The following R3HDM2 variants were observed in gnomAD, a reference collection of about 807,000 sequenced individuals.
R3HDM2 encodes the protein R3H domain containing 2.
R3HDM2 carries 38 observed loss-of-function variants against 124.5 expected under a neutral mutation model. The observed-to-expected ratio is 0.31, with a 90% CI of 0.24 to 0.40. R3HDM2 has a LOEUF of 0.40. R3HDM2 is among the 10% of genes least tolerant of loss of function. The pLI is 1.00. For missense variants in R3HDM2, 869 were observed against 1,236.9 expected, an observed-to-expected ratio of 0.70 and a Z score of 4.46; for synonymous variants, 391 against 448.0, an observed-to-expected ratio of 0.87 and a Z score of 1.61.
At position 57,346,157 on chromosome 12, in the gene R3HDM2, CA is replaced by C. The variant is rs1210805432; in HGVS notation, c.-35-35695del. 9.9e-3 allele frequency among the ~76,000 whole-genome samples: 533 copies of C among 53,898 alleles called. 2 individuals carry two copies. Among genetic ancestry groups the C allele is most frequent in the African/African-American group, 0.021 (370 of 17,636 alleles). The allele number at this position is 53,898 out of a possible 152,430, so 35.4% of individuals were successfully genotyped here. ...GGGCAACAAGAGCAAAACTCCGTCT[CA>C]AAAAAAAAAAAAAAAAGGCCTGGAG... is the stretch of plus-strand genomic sequence containing the variant. On this transcript the variant is annotated intron_variant, in intron 2 of 23. Coordinates refer to ENST00000402412, the MANE Select transcript of R3HDM2 (RefSeq NM_001394031.1).
At chr12:57,292,068 T>C (rs940225721) in intron 11 of R3HDM2, among the ~76,000 whole-genome samples, 3 of 152,228 alleles carry the variant, frequency 2.0e-5, no homozygotes, top group Non-Finnish European at 2.9e-5. Flanking sequence ...TCTGTGCATG[T>C]AGAATGTGGA....
chr12:57,301,138 A>C (rs1157935500), intron 4 of R3HDM2, among the ~76,000 whole-genome samples: 2 of 152,072 alleles, frequency 1.3e-5, no homozygotes, highest in East Asian at 3.9e-4. Context: ...AAAAAAATAA[A>C]AAAAAGAGAG....
chr12:57,312,138 A>G (rs2054044880), intron 2 of R3HDM2, among the ~76,000 whole-genome samples: 1 of 152,198 alleles, frequency 6.6e-6, no homozygotes, highest in African/African-American at 2.4e-5. Flanking sequence ...AATTAAATAA[A>G]CAGACAAATG....
chr12:57,349,252 T>C (rs1593702558), intron 2 of R3HDM2, among the ~76,000 whole-genome samples: 1 of 150,020 alleles, frequency 6.7e-6, no homozygotes, highest in Non-Finnish European at 1.5e-5. Flanking sequence ...TGGTGGCAGG[T>C]GCCTGTAGTC....
intron 1 of R3HDM2, among the ~76,000 whole-genome samples, chr12:57,397,393 G>T (rs491750): frequency 0.43 from 66,001 of 151,948 alleles, 15,083 homozygotes; most frequent in South Asian, 0.52. Flanking sequence ...TGTGTTCTAT[G>T]CTAAAGTGAG....
chr12:57,350,096 G>A (rs2060521816), intron 2 of R3HDM2, among the ~76,000 whole-genome samples: 1 of 152,070 alleles, frequency 6.6e-6, no homozygotes, highest in Admixed American at 6.5e-5. Context: ...TACAGTCTCA[G>A]CTACTTGGGA....
intron 2 of R3HDM2, among the ~76,000 whole-genome samples, chr12:57,330,128 G>A (rs1181474567): frequency 1.3e-5 from 2 of 151,746 alleles, no homozygotes; most frequent in African/African-American, 4.8e-5. Flanking sequence ...TGACATGCCT[G>A]GCTAGTTTTG....
intron 13 of R3HDM2, among the ~76,000 whole-genome samples, chr12:57,280,842 T>C (rs1592679730): frequency 6.6e-6 from 1 of 152,178 alleles, no homozygotes; most frequent in South Asian, 2.1e-4. Context: ...CTGGAATCTG[T>C]CCATCAAACT....
chr12:57,400,293 T>C (rs1204418676), intron 1 of R3HDM2, among the ~76,000 whole-genome samples: 3 of 152,170 alleles, frequency 2.0e-5, no homozygotes, highest in African/African-American at 7.2e-5. Flanking sequence ...AGGACATCGA[T>C]GAAGCTGGAA....
At chr12:57,337,636 G>A (rs1425486442) in intron 2 of R3HDM2, among the ~76,000 whole-genome samples, 3 of 152,058 alleles carry the variant, frequency 2.0e-5, no homozygotes, top group Non-Finnish European at 2.9e-5. Flanking sequence ...AAAAAAACCC[G>A]AAACATTGCA....
In R3HDM2 at chr12:57,339,696, T is replaced by TG. The variant is rs1555271537; in HGVS notation, c.-35-29234_-35-29233insC. On this transcript the variant is annotated intron_variant, in intron 2 of 23. Coordinates refer to ENST00000402412, the MANE Select transcript of R3HDM2 (RefSeq NM_001394031.1). ...CTGGGTGACAGAGAAAGACTCCATC[T>TG]AAAAAAAAAAAAAAGAGAGAGAGAG... is the stretch of plus-strand genomic sequence containing the variant. 3.1e-5 allele frequency among the ~76,000 whole-genome samples: 4 copies of TG among 131,086 alleles called. No individual in the cohort carries two copies. The East Asian group carries it at 8.6e-4, about 28-fold the overall frequency. The allele number at this position is 131,086 out of a possible 152,430, so 86.0% of individuals were successfully genotyped here.
intron 2 of R3HDM2, among the ~76,000 whole-genome samples, chr12:57,359,412 G>A (rs1441230041): frequency 1.3e-5 from 2 of 152,080 alleles, no homozygotes; most frequent in Non-Finnish European, 2.9e-5. Context: ...AAGTCCTCTT[G>A]AAGAACTAAC....
At chr12:57,259,277 C>T (rs2040036326) in intron 19 of R3HDM2, among the ~76,000 whole-genome samples, 1 of 152,200 alleles carries the variant, frequency 6.6e-6, no homozygotes, top group South Asian at 2.1e-4. Context: ...GCCCCAGATG[C>T]CAGTGCTCCC....
Position 57,389,353 on chromosome 12 carries a change from C to G in R3HDM2, c.-36+6396G>C, listed in dbSNP as rs80350599. On this transcript the variant is annotated intron_variant, in intron 2 of 23. Coordinates refer to ENST00000402412, the MANE Select transcript of R3HDM2 (RefSeq NM_001394031.1). ...TACAAATAAAACTCTACTGGTAAGA[C>G]GAGCACAGAGGCAGCTCTATTCCAA... is the stretch of plus-strand genomic sequence containing the variant. Among the ~76,000 whole-genome samples, 71 of 152,282 alleles carry G rather than the reference C, an allele frequency of 4.7e-4. 1 individual carries two copies. In the East Asian group the frequency reaches 8.3e-3, roughly 18 times the overall value.
intron 23 of R3HDM2, 42 bp downstream of exon 23, chr12:57,255,948 G>A: frequency 6.4e-7 from 1 of 1,562,300 alleles, no homozygotes. Context: ...GCGCTGGAAG[G>A]GTGGGCACCT....
intron 19 of R3HDM2, among the ~76,000 whole-genome samples, chr12:57,265,335 C>T (rs2042061658): frequency 1.3e-5 from 2 of 152,080 alleles, no homozygotes; most frequent in Non-Finnish European, 2.9e-5. Context: ...TATGTGAGCA[C>T]ACAACAAAAG....
rs758015170 is a variant in R3HDM2 at position 57,277,798 on chromosome 12, T to C, written c.1344+2560A>G. On this transcript the variant is annotated intron_variant, in intron 14 of 23. Coordinates refer to ENST00000402412, the MANE Select transcript of R3HDM2 (RefSeq NM_001394031.1). ...GCTTTAGAGTAAGCACAGTGGTGTT[T>C]GTGTGTGCACATGATCACTTCTTTA... Among the ~76,000 whole-genome samples, 15 of 152,338 alleles carry C rather than the reference T, an allele frequency of 9.8e-5. No homozygotes were observed. The South Asian group carries it at 1.4e-3, about 15-fold the overall frequency.
chr12:57,375,058 T>A (rs1356873288), intron 2 of R3HDM2, among the ~76,000 whole-genome samples: 2 of 145,928 alleles, frequency 1.4e-5, no homozygotes, highest in African/African-American at 2.5e-5. Context: ...ATTAACCATT[T>A]AAAAAAAAAA....
chr12:57,254,839 G>A lies in R3HDM2; in HGVS notation c.2907C>T (p.Arg969=). The change falls in exon 24 of 24, where the codon CGC becomes CGT. Residue 969 remains arginine (R), a synonymous_variant. Coordinates refer to ENST00000402412, the MANE Select transcript of R3HDM2 (RefSeq NM_001394031.1). ...ASLRLNNSVS[R]FKLRMAKKNY... is the part of the protein sequence containing the mutation. The stretch of plus-strand genomic sequence containing the variant: ...TCTTTTTGGCCATTCGAAGTTTGAA[G>A]CGACTCACGGAGTTGTTGAGACGAA... The A allele has an allele frequency of 6.2e-7, 1 of 1,612,518 alleles. No individual in the cohort carries two copies. The highest frequency in any genetic ancestry group is 1.7e-4 in the Middle Eastern group (1 of 6,048).
Sources: allele counts gnomAD v4.1 joint callset (sites outside exome capture counted in the v4.1 genomes callset), GRCh38; gene constraint gnomAD v4.1.1; transcripts MANE v1.5; gene names NCBI Gene and HGNC (gene_info 2026-07-23, HGNC 2026-07-21).